The following SLA variants were observed in gnomAD, a reference collection of about 807,000 sequenced individuals.
SLA encodes Src like adaptor, also known as src-like-adapter.
SLA carries 16 observed loss-of-function variants against 30.3 expected under a neutral mutation model. The ratio of observed to expected loss-of-function variants is 0.53; its 90% CI spans 0.36 to 0.80. SLA has a LOEUF of 0.80. Among genes scored for constraint, SLA ranks in the 30% least tolerant of loss-of-function variants. SLA has a pLI of 0.01. For synonymous variants in SLA, 143 were observed against 137.8 expected, an observed-to-expected ratio of 1.04 and a Z score of -0.26; for missense variants, 310 against 345.2, an observed-to-expected ratio of 0.90 and a Z score of 0.81.
chr8:133,073,296 T>C (rs2131452301), intron 2 of SLA: 1 of 152,332 alleles, frequency 6.6e-6, no homozygotes, highest in South Asian at 2.1e-4. Context: ...ATTTGTCTAT[T>C]CCATAGGTTT....
chr8:133,042,660 A>G (rs1356483113), intron 7 of SLA, among the ~76,000 whole-genome samples: 3 of 133,020 alleles, frequency 2.3e-5, no homozygotes, highest in Admixed American at 8.3e-5. Flanking sequence ...CTGGTGCACA[A>G]TTCCTCTCAT....
At chr8:133,081,376 A>G (rs1296458939) in intron 1 of SLA, among the ~76,000 whole-genome samples, 1 of 152,250 alleles carries the variant, frequency 6.6e-6, no homozygotes, top group Admixed American at 6.5e-5. Context: ...TCTGGGGAAG[A>G]CAATAAGCTA....
chr8:133,057,852 A>T (rs1841745621), intron 3 of SLA, among the ~76,000 whole-genome samples: 1 of 151,904 alleles, frequency 6.6e-6, no homozygotes, highest in Admixed American at 6.6e-5. Flanking sequence ...GAGAAGAATG[A>T]TCTCCCAAAA....
intron 3 of SLA, among the ~76,000 whole-genome samples, chr8:133,058,670 C>T (rs1381758069): frequency 2.6e-5 from 4 of 152,244 alleles, no homozygotes; most frequent in South Asian, 2.1e-4. Flanking sequence ...TGAGAAAGAG[C>T]CCGGCATTCT....
At chr8:133,090,848 T>C (rs1847392816) in intron 1 of SLA, among the ~76,000 whole-genome samples, 1 of 152,090 alleles carries the variant, frequency 6.6e-6, no homozygotes, top group Admixed American at 6.5e-5. Context: ...CCATGAGCTT[T>C]TTACTTTGCT....
At chr8:133,091,088 G>T (rs1321547719) in intron 1 of SLA, among the ~76,000 whole-genome samples, 1 of 152,224 alleles carries the variant, frequency 6.6e-6, no homozygotes, top group Non-Finnish European at 1.5e-5. Flanking sequence ...GCTCTGAGAG[G>T]TAGGTGAGCT....
At chr8:133,069,696 A>G (rs991657962) in intron 2 of SLA, among the ~76,000 whole-genome samples, 8 of 152,108 alleles carry the variant, frequency 5.3e-5, no homozygotes, top group Non-Finnish European at 7.4e-5. Flanking sequence ...AATAAAAGGG[A>G]ACAGTTAGAA....
At chr8:133,047,788 T>A in intron 6 of SLA, 42 bp downstream of exon 6, 5 of 1,104,286 alleles carry the variant, frequency 4.5e-6, no homozygotes, top group Non-Finnish European at 7.0e-6. Context: ...AAAACATGCT[T>A]GTCTGCCCCG....
intron 2 of SLA, among the ~76,000 whole-genome samples, chr8:133,074,301 T>C (rs1043037956): frequency 6.6e-6 from 1 of 151,864 alleles, no homozygotes; most frequent in Non-Finnish European, 1.5e-5. Flanking sequence ...AGTAGCGCTA[T>C]TGCAATCCCT....
chr8:133,068,244 T>C (rs1843397446), intron 2 of SLA, among the ~76,000 whole-genome samples: 1 of 152,220 alleles, frequency 6.6e-6, no homozygotes. Context: ...GGAGGGGCAA[T>C]GCCCATCTAT....
chr8:133,074,177 A>G (rs1227211839), intron 2 of SLA, among the ~76,000 whole-genome samples: 1 of 152,126 alleles, frequency 6.6e-6, no homozygotes, highest in Non-Finnish European at 1.5e-5. Context: ...TATATACTTC[A>G]CATGTTTGCC....
rs141324616 is a variant in SLA at position 133,067,551 on chromosome 8, G to A, written c.-41+7302C>T. 8.0e-3 allele frequency among the ~76,000 whole-genome samples: 1,224 copies of A among 152,238 alleles called. 11 individuals carry two copies. Among genetic ancestry groups the A allele is most frequent in the South Asian group, 0.022 (107 of 4,826 alleles). On this transcript the variant is annotated intron_variant, in intron 2 of 8. Coordinates refer to ENST00000338087, the MANE Select transcript of SLA (RefSeq NM_001045556.3). ...AGCATGTTGGGAGGCTGAGGCAAGT[G>A]GATCACCTGAGGTCAGGAGTTCAAG...
rs533463146 is a variant in SLA, at chr8:133,055,349, A to G, written c.62-4434T>C. The stretch of plus-strand genomic sequence containing the variant: ...TGACTTTCAGTGTCATCTTCAGGAC[A>G]CACACACGCACGCGCGCACACACAC... On this transcript the variant is annotated intron_variant, in intron 3 of 8. Transcript: ENST00000338087. Among the ~76,000 whole-genome samples the G allele has an allele frequency of 6.4e-3, 515 of 80,546 alleles. 3 individuals carry two copies. Among genetic ancestry groups the G allele is most frequent in the Middle Eastern group, 0.011 (2 of 174 alleles). The allele number at this position is 80,546 out of a possible 152,430, so 52.8% of individuals were successfully genotyped here.
chr8:133,102,592 C>T lies in SLA; in HGVS notation c.-358G>A, dbSNP rs369832604. 9 of 1,550,808 alleles carry T rather than the reference C, an allele frequency of 5.8e-6. No homozygotes were observed. The East Asian group carries it at 1.2e-4, about 21-fold the overall frequency. On this transcript the variant is annotated 5_prime_UTR_variant, in exon 1 of 9. Coordinates refer to ENST00000338087, the MANE Select transcript of SLA (RefSeq NM_001045556.3). ...GGCTGCCTGAGATGTTCTCCATTCGCAGCAAATGATCTTATTTTCTGAAGT... is the reference window on the plus strand; with the variant it reads ...GGCTGCCTGAGATGTTCTCCATTCGTAGCAAATGATCTTATTTTCTGAAGT...
intron 2 of SLA, among the ~76,000 whole-genome samples, chr8:133,067,915 GA>G (rs35515477): frequency 0.02 from 737 of 36,930 alleles, 19 homozygotes; most frequent in African/African-American, 0.048. Flanking sequence ...AGGAAGGAAG[GA>G]AAGAGAGAGA....
chr8:133,054,420 T>A (rs1212656226), intron 3 of SLA, among the ~76,000 whole-genome samples: 1 of 152,098 alleles, frequency 6.6e-6, no homozygotes, highest in Non-Finnish European at 1.5e-5. Flanking sequence ...AGTGATGCGA[T>A]TTGGGGGGAG....
chr8:133,050,620 G>GA, intron 4 of SLA, 196 bp downstream of exon 4: 1 of 527,966 alleles, frequency 1.9e-6, no homozygotes, highest in Non-Finnish European at 3.4e-6. Context: ...CTACCAGGCA[G>GA]TGGGGAGCTA....
chr8:133,065,132 G>A (rs1842871046), intron 2 of SLA, among the ~76,000 whole-genome samples: 1 of 152,168 alleles, frequency 6.6e-6, no homozygotes, highest in African/African-American at 2.4e-5. Context: ...AAGCCTCAAT[G>A]TCCACCATAT....
chr8:133,049,817 A>G (rs762197278), intron 5 of SLA, 85 bp downstream of exon 5: 4 of 940,024 alleles, frequency 4.3e-6, no homozygotes, highest in Non-Finnish European at 7.0e-6. Flanking sequence ...CCTTACCACT[A>G]TGAATGCTGG....
Sources: allele counts gnomAD v4.1 joint callset (sites outside exome capture counted in the v4.1 genomes callset), GRCh38; gene constraint gnomAD v4.1.1; transcripts MANE v1.5; gene names NCBI Gene and HGNC (gene_info 2026-07-23, HGNC 2026-07-21).